The following XKR6 variants were observed in gnomAD, a reference collection of about 807,000 sequenced individuals.
XKR6 encodes the protein XK-related protein 6.
In XKR6, 22 loss-of-function variants were observed where a neutral mutation model predicts 56.7. The ratio of observed to expected loss-of-function variants is 0.39; its 90% CI spans 0.28 to 0.55. XKR6 has a LOEUF of 0.55. Among genes scored for constraint, XKR6 ranks in the 20% least tolerant of loss-of-function variants. The pLI is 0.66. For missense variants in XKR6, 852 were observed against 889.0 expected, an observed-to-expected ratio of 0.96 and a Z score of 0.53; for synonymous variants, 524 against 387.8, an observed-to-expected ratio of 1.35 and a Z score of -4.13.
chr8:11,061,835 G>A (rs925063818), intron 1 of XKR6, among the ~76,000 whole-genome samples: 1 of 152,198 alleles, frequency 6.6e-6, no homozygotes, highest in Non-Finnish European at 1.5e-5. Flanking sequence ...TCGGTGATGG[G>A]GCGAGGACAT....
chr8:10,955,293 C>T (rs1018252936), intron 1 of XKR6, among the ~76,000 whole-genome samples: 1 of 152,192 alleles, frequency 6.6e-6, no homozygotes, highest in Non-Finnish European at 1.5e-5. Context: ...CCACCTCAGC[C>T]TCCTGAATAA....
At chr8:11,120,750 C>G (rs1799413440) in intron 1 of XKR6, among the ~76,000 whole-genome samples, 1 of 152,132 alleles carries the variant, frequency 6.6e-6, no homozygotes, top group Admixed American at 6.5e-5. Flanking sequence ...GCAAAAAGAA[C>G]AAAGCTGGAG....
chr8:11,140,451 G>C (rs1800635060), intron 1 of XKR6, among the ~76,000 whole-genome samples: 1 of 152,160 alleles, frequency 6.6e-6, no homozygotes. Flanking sequence ...CACATTTCCA[G>C]CAACAGTTTA....
intron 2 of XKR6, among the ~76,000 whole-genome samples, chr8:10,906,493 C>T (rs901725769): frequency 3.3e-5 from 5 of 152,212 alleles, no homozygotes; most frequent in Admixed American, 2.0e-4. Flanking sequence ...AAGCAATCTT[C>T]TTTTAAAACT....
intron 1 of XKR6, among the ~76,000 whole-genome samples, chr8:10,949,379 G>T (rs1330860091): frequency 6.6e-6 from 1 of 152,238 alleles, no homozygotes; most frequent in African/African-American, 2.4e-5. Context: ...CACCGTGGAT[G>T]AGGATCTGGG....
chr8:10,944,276 C>A (rs1246513823), intron 1 of XKR6, among the ~76,000 whole-genome samples: 1 of 152,148 alleles, frequency 6.6e-6, no homozygotes, highest in Non-Finnish European at 1.5e-5. Context: ...AGGGCAGCAG[C>A]TAAATTCAAG....
chr8:11,122,447 T>C (rs535894631), intron 1 of XKR6, among the ~76,000 whole-genome samples: 1 of 152,380 alleles, frequency 6.6e-6, no homozygotes, highest in South Asian at 2.1e-4. Context: ...TCAGCATGGC[T>C]AGATTTTGGC....
intron 1 of XKR6, among the ~76,000 whole-genome samples, chr8:10,927,135 G>A (rs2129118201): frequency 6.6e-6 from 1 of 152,302 alleles, no homozygotes; most frequent in African/African-American, 2.4e-5. Context: ...GGTAGTTTGG[G>A]AGGGGCTGAG....
chr8:10,950,538 C>G (rs1385322154), intron 1 of XKR6, among the ~76,000 whole-genome samples: 1 of 152,172 alleles, frequency 6.6e-6, no homozygotes, highest in East Asian at 1.9e-4. Context: ...ACAAGGGTCT[C>G]TTGTTGGATT....
At chr8:11,096,949 T>G (rs944147692) in intron 1 of XKR6, among the ~76,000 whole-genome samples, 2 of 152,226 alleles carry the variant, frequency 1.3e-5, no homozygotes, top group East Asian at 3.8e-4. Context: ...TTTCGCCCAC[T>G]TGCATATGAT....
intron 1 of XKR6, among the ~76,000 whole-genome samples, chr8:10,986,528 G>C (rs1357664632): frequency 6.6e-6 from 1 of 152,136 alleles, no homozygotes; most frequent in Non-Finnish European, 1.5e-5. Flanking sequence ...TCTTACAAAA[G>C]ATGGTGGAAT....
At chr8:10,947,344 G>A (rs1036413939) in intron 1 of XKR6, among the ~76,000 whole-genome samples, 1 of 152,168 alleles carries the variant, frequency 6.6e-6, no homozygotes, top group African/African-American at 2.4e-5. Context: ...TCCAGGCCAG[G>A]AGCCCATGTG....
intron 1 of XKR6, among the ~76,000 whole-genome samples, chr8:11,122,305 T>C (rs1476123300): frequency 6.6e-6 from 1 of 152,268 alleles, no homozygotes; most frequent in Admixed American, 6.5e-5. Context: ...AAGCTGAATG[T>C]GCTACAAAAC....
intron 1 of XKR6, among the ~76,000 whole-genome samples, chr8:10,957,989 C>T (rs1002806928): frequency 6.6e-6 from 1 of 152,044 alleles, no homozygotes; most frequent in Non-Finnish European, 1.5e-5. Flanking sequence ...TCTAAATCTA[C>T]TGAACTGAAA....
At position 11,121,160 on chromosome 8, in the gene XKR6, T is replaced by C. The variant is rs536081164; in HGVS notation, c.764+79416A>G. ...TTCATGTCTAAAACACCAAAAGCAA[T>C]GGCAACAAAAGCCAAAATTGACAAA... On this transcript the variant is annotated intron_variant, in intron 1 of 2. Transcript: ENST00000416569. Among the ~76,000 whole-genome samples the C allele has an allele frequency of 3.3e-5, 5 of 152,220 alleles. No individual in the cohort carries two copies. The South Asian group carries it at 1.0e-3, about 32-fold the overall frequency.
intron 1 of XKR6, among the ~76,000 whole-genome samples, chr8:11,114,387 G>T: frequency 6.6e-6 from 1 of 152,118 alleles, no homozygotes; most frequent in Non-Finnish European, 1.5e-5. Flanking sequence ...TTGAGACAGA[G>T]TCTCACTCTG....
intron 1 of XKR6, chr8:11,109,848 G>A (rs944107046): frequency 2.6e-5 from 4 of 152,226 alleles, no homozygotes; most frequent in East Asian, 1.9e-4. Context: ...CTCTACTGAC[G>A]AAAGCATCAC....
chr8:11,035,881 C>T (rs1799128569), intron 1 of XKR6, among the ~76,000 whole-genome samples: 1 of 151,888 alleles, frequency 6.6e-6, no homozygotes, highest in South Asian at 2.1e-4. Flanking sequence ...CTAGGGCTCC[C>T]CTTTGTGTAT....
intron 1 of XKR6, among the ~76,000 whole-genome samples, chr8:11,183,015 G>C (rs1396968160): frequency 6.6e-6 from 1 of 152,176 alleles, no homozygotes; most frequent in Non-Finnish European, 1.5e-5. Flanking sequence ...ATGTCCTCCA[G>C]GTTCATCCAT....
Sources: allele counts gnomAD v4.1 joint callset (sites outside exome capture counted in the v4.1 genomes callset), GRCh38; gene constraint gnomAD v4.1.1; transcripts MANE v1.5; gene names NCBI Gene and HGNC (gene_info 2026-07-23, HGNC 2026-07-21).